Variants in ERC2 observed in about 807,000 individuals in gnomAD.
ERC2 encodes the protein ELKS/RAB6-interacting/CAST family member 2, also known as ERC protein 2.
Under a neutral mutation model 114.8 loss-of-function variants are expected in ERC2, and 42 were observed. That is an observed-to-expected ratio of 0.37 (90% CI 0.29 to 0.47). The LOEUF is 0.47. Ranked by LOEUF, ERC2 falls within the 20% of genes least tolerant of loss-of-function variation. ERC2 has a pLI of 0.99. For synonymous variants in ERC2, 454 were observed against 425.5 expected (o/e 1.07, Z -0.82); for missense variants, 939 against 1,150.7 (o/e 0.82, Z 2.66).
rs2066141826 is a variant in ERC2 at position 55,932,262 on chromosome 3, T to C, written c.2403+18163A>G. Reference sequence around the variant, plus strand: ...AAAATATAATGCCTCTTTCCTTTTATGTCTGTTAAAGTATTTTAAAGAATT... The same window carrying C: ...AAAATATAATGCCTCTTTCCTTTTACGTCTGTTAAAGTATTTTAAAGAATT... On this transcript the variant is annotated intron_variant, in intron 13 of 17. Coordinates refer to ENST00000288221, the MANE Select transcript of ERC2 (RefSeq NM_015576.3). Among the ~76,000 whole-genome samples, 3 of 152,188 alleles carry C rather than the reference T, an allele frequency of 2.0e-5. No individual in the cohort carries two copies. The South Asian group carries it at 6.2e-4, about 32-fold the overall frequency.
intron 3 of ERC2, among the ~76,000 whole-genome samples, chr3:56,211,418 G>A (rs1339107375): frequency 1.3e-5 from 2 of 152,000 alleles, no homozygotes; most frequent in African/African-American, 2.4e-5. Context: ...ACTTCTACAA[G>A]GAAAACTACA....
intron 2 of ERC2, among the ~76,000 whole-genome samples, chr3:56,351,322 A>G (rs1041934797): frequency 2.0e-5 from 3 of 152,200 alleles, no homozygotes; most frequent in Non-Finnish European, 2.9e-5. Context: ...ATGACATAAA[A>G]TAACTGACCA....
At chr3:56,098,355 G>T (rs185838075) in intron 6 of ERC2, among the ~76,000 whole-genome samples, 2 of 152,140 alleles carry the variant, frequency 1.3e-5, no homozygotes, top group Non-Finnish European at 2.9e-5. Context: ...GAAGTGGAGC[G>T]TGAGGAAAGA....
At chr3:55,570,158 C>A (rs149116451) in intron 17 of ERC2, among the ~76,000 whole-genome samples, 31 of 152,210 alleles carry the variant, frequency 2.0e-4, no homozygotes, top group South Asian at 1.5e-3. Context: ...TCATGCCCGA[C>A]CCCCCATTTC....
At chr3:55,770,185 T>C (rs1423316461) in intron 14 of ERC2, among the ~76,000 whole-genome samples, 1 of 152,172 alleles carries the variant, frequency 6.6e-6, no homozygotes, top group Non-Finnish European at 1.5e-5. Flanking sequence ...CCTAGAGTGA[T>C]GGTGACATGT....
intron 13 of ERC2, among the ~76,000 whole-genome samples, chr3:55,898,144 G>A (rs1271296933): frequency 1.3e-5 from 2 of 152,202 alleles, no homozygotes; most frequent in African/African-American, 4.8e-5. Flanking sequence ...AACAGAGTCT[G>A]TTAAATGAGA....
At chr3:56,387,526 T>G (rs1344131605) in intron 2 of ERC2, among the ~76,000 whole-genome samples, 1 of 152,188 alleles carries the variant, frequency 6.6e-6, no homozygotes, top group African/African-American at 2.4e-5. Context: ...GCCATTTGTG[T>G]CTATAAAACC....
At chr3:55,601,684 G>T (rs2058413156) in intron 17 of ERC2, among the ~76,000 whole-genome samples, 1 of 152,174 alleles carries the variant, frequency 6.6e-6, no homozygotes, top group South Asian at 2.1e-4. Flanking sequence ...AAGAGCCGGG[G>T]AGCCGGGTGC....
chr3:55,747,050 T>C (rs1366388313), intron 14 of ERC2, among the ~76,000 whole-genome samples: 1 of 152,172 alleles, frequency 6.6e-6, no homozygotes, highest in Admixed American at 6.5e-5. Context: ...TTTCTGTAGT[T>C]ACATCTCTAA....
intron 2 of ERC2, among the ~76,000 whole-genome samples, chr3:56,389,189 G>C (rs2060042496): frequency 6.6e-6 from 1 of 152,082 alleles, no homozygotes; most frequent in African/African-American, 2.4e-5. Flanking sequence ...TTGATCATTG[G>C]GGGACTCTAT....
At chr3:55,521,082 C>T (rs968606318) in intron 17 of ERC2, among the ~76,000 whole-genome samples, 3 of 152,212 alleles carry the variant, frequency 2.0e-5, no homozygotes, top group African/African-American at 7.2e-5. Flanking sequence ...CAATTAGTCT[C>T]CAGGATTTGA....
At chr3:55,894,682 G>A (rs951089781) in intron 13 of ERC2, among the ~76,000 whole-genome samples, 2 of 152,158 alleles carry the variant, frequency 1.3e-5, no homozygotes, top group Non-Finnish European at 2.9e-5. Flanking sequence ...TAACTCAGAA[G>A]GAGAAAATCA....
At position 55,639,335 on chromosome 3, in the gene ERC2, G is replaced by A. The variant is rs556719589; in HGVS notation, c.*39+44459C>T. 4.1e-4 allele frequency among the ~76,000 whole-genome samples: 62 copies of A among 152,258 alleles called. 1 individual carries two copies. The highest frequency in any genetic ancestry group is 2.3e-3 in the South Asian group (11 of 4,818). On this transcript the variant is annotated intron_variant, in intron 17 of 17. Coordinates refer to ENST00000288221, the MANE Select transcript of ERC2 (RefSeq NM_015576.3). ...AACTATCTCAAGGGTGTGGTGATGC[G>A]TCTTGGAAATCCAGGTGCTGAACTG...
At chr3:56,210,167 A>T (rs1357003133) in intron 3 of ERC2, among the ~76,000 whole-genome samples, 1 of 152,210 alleles carries the variant, frequency 6.6e-6, no homozygotes, top group Non-Finnish European at 1.5e-5. Flanking sequence ...GGGGCTGATA[A>T]ATCAGACATA....
chr3:55,716,028 A>T (rs2064102063), intron 15 of ERC2, among the ~76,000 whole-genome samples: 1 of 152,230 alleles, frequency 6.6e-6, no homozygotes, highest in Non-Finnish European at 1.5e-5. Context: ...GCAAGCTTTC[A>T]TGAGCAGAAT....
intron 17 of ERC2, among the ~76,000 whole-genome samples, chr3:55,579,315 T>C (rs1244623273): frequency 6.6e-6 from 1 of 152,078 alleles, no homozygotes; most frequent in African/African-American, 2.4e-5. Context: ...ATTTGGTACG[T>C]TTTTCAATTT....
chr3:55,859,962 C>G (rs1226705933), intron 14 of ERC2, among the ~76,000 whole-genome samples: 1 of 152,048 alleles, frequency 6.6e-6, no homozygotes, highest in African/African-American at 2.4e-5. Flanking sequence ...GGTTTTTTAT[C>G]CCAAGCCTCC....
intron 7 of ERC2, among the ~76,000 whole-genome samples, chr3:56,021,804 T>C (rs1386500305): frequency 1.3e-5 from 2 of 152,230 alleles, no homozygotes; most frequent in Non-Finnish European, 2.9e-5. Context: ...CTCCCACTTA[T>C]GAGTAAGAAC....
chr3:55,529,621 C>G (rs1158483696), intron 17 of ERC2, among the ~76,000 whole-genome samples: 2 of 152,154 alleles, frequency 1.3e-5, no homozygotes, highest in African/African-American at 4.8e-5. Context: ...TTTCAAGGAG[C>G]TCGCATTACC....
Sources: allele counts gnomAD v4.1 joint callset (sites outside exome capture counted in the v4.1 genomes callset), GRCh38; gene constraint gnomAD v4.1.1; transcripts MANE v1.5; gene names NCBI Gene and HGNC (gene_info 2026-07-23, HGNC 2026-07-21).